The following PRSS23 variants were observed in gnomAD, a reference collection of about 807,000 sequenced individuals.
PRSS23 encodes serine protease 23, also known as protease, serine 23.
In PRSS23, 25 loss-of-function variants were observed where a neutral mutation model predicts 34.7. The ratio of observed to expected loss-of-function variants is 0.72; its 90% CI spans 0.53 to 1.01. The LOEUF is 1.01. Ranked by LOEUF, PRSS23 falls within the 50% of genes least tolerant of loss-of-function variation. The pLI is 0.00. For missense variants in PRSS23, 445 were observed against 475.6 expected, an observed-to-expected ratio of 0.94 and a Z score of 0.60; for synonymous variants, 176 against 186.6, an observed-to-expected ratio of 0.94 and a Z score of 0.46.
intron 2 of PRSS23, among the ~76,000 whole-genome samples, chr11:86,914,625 T>C (rs1179052658): frequency 1.3e-5 from 2 of 152,254 alleles, no homozygotes; most frequent in Non-Finnish European, 2.9e-5. Flanking sequence ...CTGATTGTTC[T>C]TTCAAAATAA....
At chr11:86,867,483 G>A (rs1283240399) in intron 2 of PRSS23, among the ~76,000 whole-genome samples, 1 of 152,176 alleles carries the variant, frequency 6.6e-6, no homozygotes, top group Non-Finnish European at 1.5e-5. Context: ...CTGAGGAAGG[G>A]ATCAATAAAT....
chr11:86,821,434 A>C, intron 1 of PRSS23: 2 of 1,551,066 alleles, frequency 1.3e-6, no homozygotes, highest in Non-Finnish European at 1.8e-6. Flanking sequence ...GACATGCAGC[A>C]CCATCAAGTA....
At chr11:86,944,320 T>C (rs954655083) in intron 2 of PRSS23, among the ~76,000 whole-genome samples, 25 of 151,876 alleles carry the variant, frequency 1.6e-4, no homozygotes, top group Non-Finnish European at 2.9e-5. Context: ...AAGTATGAAC[T>C]CATTTTTAAC....
chr11:86,828,769 G>C (rs1384171612), intron 2 of PRSS23, among the ~76,000 whole-genome samples: 1 of 152,150 alleles, frequency 6.6e-6, no homozygotes, highest in Non-Finnish European at 1.5e-5. Flanking sequence ...AGTTTGGCTG[G>C]ATATGAAATT....
At chr11:86,827,362 C>A (rs1291341789) in intron 2 of PRSS23, among the ~76,000 whole-genome samples, 1 of 151,898 alleles carries the variant, frequency 6.6e-6, no homozygotes, top group Admixed American at 6.6e-5. Context: ...TTTTTTATTG[C>A]CTCTATTTGA....
In PRSS23 at chr11:86,915,043, G is replaced by A. The variant is rs191512322; in HGVS notation, c.207-36173G>A. On this transcript the variant is annotated intron_variant, in intron 2 of 2. Transcript: ENST00000533902. ...CTGGGAACAGCTGAGAAGGAAGGAGGACCAGAGCACATGGCACAGCAGTTG... is the reference window on the plus strand; with the variant it reads ...CTGGGAACAGCTGAGAAGGAAGGAGAACCAGAGCACATGGCACAGCAGTTG... 6.5e-4 allele frequency among the ~76,000 whole-genome samples: 99 copies of A among 152,288 alleles called. 1 individual carries two copies. The Middle Eastern group carries it at 0.01, about 16-fold the overall frequency.
intron 2 of PRSS23, among the ~76,000 whole-genome samples, chr11:86,920,346 G>A (rs372538374): frequency 2.0e-5 from 3 of 152,204 alleles, no homozygotes; most frequent in African/African-American, 7.2e-5. Flanking sequence ...GCCAAGTTCT[G>A]AGCACCTACC....
chr11:86,907,493 G>T (rs1474034643), intron 2 of PRSS23, among the ~76,000 whole-genome samples: 1 of 151,940 alleles, frequency 6.6e-6, no homozygotes, highest in Non-Finnish European at 1.5e-5. Flanking sequence ...TTGAGACAGG[G>T]TATCACTCTG....
chr11:86,861,970 A>T (rs11234836), intron 2 of PRSS23, among the ~76,000 whole-genome samples: 47,079 of 151,538 alleles, frequency 0.31, 7,536 homozygotes, highest in Non-Finnish European at 0.36. Context: ...AGTTGTGATA[A>T]TGTTTGCAAT....
chr11:86,901,671 C>T (rs1056095647), intron 2 of PRSS23, among the ~76,000 whole-genome samples: 1 of 152,182 alleles, frequency 6.6e-6, no homozygotes, highest in Non-Finnish European at 1.5e-5. Flanking sequence ...GTCATACAGT[C>T]ATTCACATAA....
At chr11:86,839,266 G>A (rs12800507) in intron 2 of PRSS23, among the ~76,000 whole-genome samples, 9,172 of 152,258 alleles carry the variant, frequency 0.06, 347 homozygotes, top group Middle Eastern at 0.099. Flanking sequence ...TAGACGAGTG[G>A]CTAACTAGAA....
intron 2 of PRSS23, among the ~76,000 whole-genome samples, chr11:86,906,149 C>A (rs1352565341): frequency 2.0e-5 from 3 of 151,446 alleles, no homozygotes; most frequent in African/African-American, 4.9e-5. Context: ...CAGGGCCTGG[C>A]GGGGCCGGGG....
intron 2 of PRSS23, among the ~76,000 whole-genome samples, chr11:86,944,234 T>G (rs1949225504): frequency 6.6e-6 from 1 of 151,772 alleles, no homozygotes; most frequent in African/African-American, 2.4e-5. Flanking sequence ...GGCATTCTCC[T>G]CTCTGTGTCT....
intron 2 of PRSS23, among the ~76,000 whole-genome samples, chr11:86,888,447 A>C (rs1590914420): frequency 1.3e-5 from 2 of 152,214 alleles, no homozygotes; most frequent in African/African-American, 4.8e-5. Flanking sequence ...AATCACTCTA[A>C]ATCCAAGCAC....
At chr11:86,842,194 T>C (rs1482142857) in intron 2 of PRSS23, among the ~76,000 whole-genome samples, 1 of 152,180 alleles carries the variant, frequency 6.6e-6, no homozygotes, top group African/African-American at 2.4e-5. Flanking sequence ...CATGATTATC[T>C]CAATAGATGC....
At chr11:86,910,603 A>G (rs1304944310) in intron 2 of PRSS23, 1 of 152,224 alleles carries the variant, frequency 6.6e-6, no homozygotes, top group Non-Finnish European at 1.5e-5. Flanking sequence ...TAAAGTATGT[A>G]GAATGAGCTA....
intron 2 of PRSS23, chr11:86,948,941 C>T (rs563987584): frequency 6.5e-6 from 1 of 152,804 alleles, no homozygotes; most frequent in Non-Finnish European, 1.5e-5. Flanking sequence ...TGAGTAAGGG[C>T]AGGCTCTGCC....
At chr11:86,825,673 G>A (rs1948294328) in intron 2 of PRSS23, among the ~76,000 whole-genome samples, 1 of 151,786 alleles carries the variant, frequency 6.6e-6, no homozygotes, top group Admixed American at 6.6e-5. Flanking sequence ...TGTAAGGAAG[G>A]GATCCAGTTT....
intron 2 of PRSS23, among the ~76,000 whole-genome samples, chr11:86,829,609 C>T (rs547031212): frequency 2.0e-5 from 3 of 152,246 alleles, no homozygotes; most frequent in Admixed American, 6.5e-5. Context: ...TTTTCCCCAT[C>T]TTTGTGGTTT....
Sources: allele counts gnomAD v4.1 joint callset (sites outside exome capture counted in the v4.1 genomes callset), GRCh38; gene constraint gnomAD v4.1.1; transcripts MANE v1.5; gene names NCBI Gene and HGNC (gene_info 2026-07-23, HGNC 2026-07-21).